HLF: variants seen among roughly 807,000 people sequenced by gnomAD.
HLF encodes the protein HLF transcription factor, PAR bZIP family member.
A neutral mutation model predicts 22.6 loss-of-function variants in HLF; 3 were observed. That is an observed-to-expected ratio of 0.13 (90% confidence interval 0.06 to 0.34). The LOEUF (loss-of-function observed/expected upper bound fraction) is 0.34. HLF is among the 10% of genes least tolerant of loss of function. The pLI is 1.00. For synonymous variants in HLF, 151 were observed against 151.8 expected, an observed-to-expected ratio of 0.99 and a Z score of 0.04; for missense variants, 299 against 389.2, an observed-to-expected ratio of 0.77 and a Z score of 1.95.
At chr17:55,278,015 A>G (rs1318338398) in intron 2 of HLF, among the ~76,000 whole-genome samples, 1 of 152,192 alleles carries the variant, frequency 6.6e-6, no homozygotes, top group African/African-American at 2.4e-5. Flanking sequence ...TTCTTTCCTG[A>G]AAAACTACAC....
intron 2 of HLF, chr17:55,272,737 C>T (rs8071484): frequency 0.093 from 14,231 of 152,252 alleles, 992 homozygotes; most frequent in African/African-American, 0.19. Context: ...GCAGGTGATT[C>T]TGGGTTTATG....
chr17:55,279,351 G>T (rs1220746955), intron 2 of HLF, among the ~76,000 whole-genome samples: 1 of 152,154 alleles, frequency 6.6e-6, no homozygotes, highest in Non-Finnish European at 1.5e-5. Flanking sequence ...TCACTTGCCT[G>T]ACAGTAGCAT....
chr17:55,269,787 G>A (rs541518062), intron 2 of HLF, among the ~76,000 whole-genome samples: 3 of 152,124 alleles, frequency 2.0e-5, no homozygotes, highest in Admixed American at 2.0e-4. Context: ...ATCTTCGTAA[G>A]GTAACTAGGT....
At position 55,324,556 on chromosome 17, in the gene HLF, T is replaced by A. The variant is rs886762563; in HGVS notation, c.*3677T>A. The A allele has an allele frequency of 4.3e-6, 1 of 232,306 alleles. No homozygotes were observed. The highest frequency in any genetic ancestry group is 8.5e-6 in the Non-Finnish European group (1 of 117,522). The allele number at this position is 232,306 out of a possible 1,614,324, so 14.4% of individuals were successfully genotyped here. ...CCTGCTTGCCTATGTGTGATGGCAA[T>A]TGGAGATCTGGATTTAGCACTGGGG... On this transcript the variant is annotated 3_prime_UTR_variant, in exon 4 of 4. Transcript: ENST00000226067.
chr17:55,265,650 C>T (rs770187511), intron 1 of HLF, 51 bp downstream of exon 1: 2 of 1,357,250 alleles, frequency 1.5e-6, no homozygotes, highest in South Asian at 2.5e-5. Context: ...TCCGGGGGTC[C>T]CCCTCCGCGG....
chr17:55,279,215 T>TA (rs1435389420), intron 2 of HLF, among the ~76,000 whole-genome samples: 4 of 152,164 alleles, frequency 2.6e-5, no homozygotes, highest in African/African-American at 9.7e-5. Context: ...CCAAACATAG[T>TA]AGGCCAGATA....
intron 2 of HLF, among the ~76,000 whole-genome samples, chr17:55,301,755 C>A (rs544707587): frequency 6.6e-6 from 1 of 152,202 alleles, no homozygotes; most frequent in African/African-American, 2.4e-5. Flanking sequence ...ATCATGGTGG[C>A]GATACTCTAG....
chr17:55,293,966 T>C (rs1300836836), intron 2 of HLF, among the ~76,000 whole-genome samples: 1 of 152,122 alleles, frequency 6.6e-6, no homozygotes, highest in Non-Finnish European at 1.5e-5. Flanking sequence ...GAATTTAATT[T>C]TAAAGGACAC....
intron 2 of HLF, among the ~76,000 whole-genome samples, chr17:55,309,556 A>ATGAGGAGGAGGGCAGAGG (rs1904735311): frequency 6.6e-6 from 1 of 152,196 alleles, no homozygotes; most frequent in Non-Finnish European, 1.5e-5. Flanking sequence ...TAAACTGGTG[A>ATGAGGAGGAGGGCAGAGG]TGAGGAGGAG....
chr17:55,313,183 T>G (rs956729437), intron 2 of HLF, among the ~76,000 whole-genome samples: 1 of 152,148 alleles, frequency 6.6e-6, no homozygotes, highest in South Asian at 2.1e-4. Flanking sequence ...GGAAGTGTTA[T>G]TGTTAGAATG....
chr17:55,267,243 A>G (rs2080800624), intron 1 of HLF, among the ~76,000 whole-genome samples: 3 of 152,212 alleles, frequency 2.0e-5, no homozygotes, highest in Non-Finnish European at 4.4e-5. Context: ...TACTCTAAAC[A>G]TGATGTTAAA....
chr17:55,306,251 A>G (rs1904542226), intron 2 of HLF, among the ~76,000 whole-genome samples: 1 of 152,208 alleles, frequency 6.6e-6, no homozygotes, highest in Non-Finnish European at 1.5e-5. Flanking sequence ...ATTATTCAGT[A>G]GGCCAGGGAA....
intron 2 of HLF, among the ~76,000 whole-genome samples, chr17:55,303,785 G>C (rs1054615938): frequency 1.1e-4 from 16 of 152,284 alleles, no homozygotes; most frequent in African/African-American, 3.6e-4. Context: ...AATTCAGCGA[G>C]GGGGGTGAAT....
At chr17:55,308,752 T>C (rs1904697271) in intron 2 of HLF, among the ~76,000 whole-genome samples, 1 of 152,216 alleles carries the variant, frequency 6.6e-6, no homozygotes, top group Admixed American at 6.5e-5. Flanking sequence ...TCAGTCTCCA[T>C]TGCAATGAGA....
At chr17:55,318,102 GC>G (rs1178409079) in intron 3 of HLF, among the ~76,000 whole-genome samples, 4 of 151,140 alleles carry the variant, frequency 2.6e-5, no homozygotes, top group Admixed American at 2.0e-4. Context: ...GTGGGGCGGG[GC>G]TAAGTGGGTC....
chr17:55,289,533 G>A (rs188348865), intron 2 of HLF, among the ~76,000 whole-genome samples: 1 of 152,212 alleles, frequency 6.6e-6, no homozygotes, highest in African/African-American at 2.4e-5. Flanking sequence ...CTCTTGCCAA[G>A]GTGAGATAGC....
chr17:55,295,372 A>G (rs1341780892), intron 2 of HLF, among the ~76,000 whole-genome samples: 4 of 152,374 alleles, frequency 2.6e-5, no homozygotes, highest in Non-Finnish European at 4.4e-5. Flanking sequence ...TCAGAATGTT[A>G]TGGGACATTG....
At chr17:55,284,966 G>T (rs2080990091) in intron 2 of HLF, among the ~76,000 whole-genome samples, 1 of 152,146 alleles carries the variant, frequency 6.6e-6, no homozygotes, top group Non-Finnish European at 1.5e-5. Flanking sequence ...CCTGAGCAAT[G>T]GATCTCTTTT....
chr17:55,290,337 C>T (rs2081049398), intron 2 of HLF, among the ~76,000 whole-genome samples: 1 of 152,106 alleles, frequency 6.6e-6, no homozygotes, highest in Non-Finnish European at 1.5e-5. Flanking sequence ...TTGTGGTAAC[C>T]CTGCATTGCA....
Sources: gnomAD v4.1 joint callset for allele counts (sites outside exome capture counted in the v4.1 genomes callset) on GRCh38, gnomAD v4.1.1 for gene constraint, MANE v1.5 for transcripts, NCBI Gene and HGNC (gene_info 2026-07-23, HGNC 2026-07-21) for gene names.